TSEN15: variants seen among roughly 807,000 people sequenced by gnomAD.
TSEN15 encodes the protein tRNA splicing endonuclease subunit 15.
A neutral mutation model predicts 20.5 loss-of-function variants in TSEN15; 10 were observed. The ratio of observed to expected loss-of-function variants is 0.49; its 90% CI spans 0.30 to 0.83. TSEN15 has a LOEUF of 0.83. Ranked by LOEUF, TSEN15 falls within the 40% of genes least tolerant of loss-of-function variation. TSEN15 has a pLI of 0.06. For synonymous variants in TSEN15, 72 were observed against 80.1 expected (o/e 0.90, Z 0.54); for missense variants, 180 against 218.6 (o/e 0.82, Z 1.11).
intron 3 of TSEN15, among the ~76,000 whole-genome samples, chr1:184,056,507 A>G (rs1245698570): frequency 6.6e-6 from 1 of 151,944 alleles, no homozygotes; most frequent in African/African-American, 2.4e-5. Flanking sequence ...CTGTCTTAAG[A>G]TGTCTTTCAA....
chr1:184,094,403 G>A (rs1276679621), intron 3 of TSEN15: 1 of 152,208 alleles, frequency 6.6e-6, no homozygotes, highest in African/African-American at 2.4e-5. Context: ...ACAATCAACT[G>A]GGACTGTCCT....
chr1:184,057,141 C>T (rs1650277056), intron 3 of TSEN15, among the ~76,000 whole-genome samples: 1 of 152,078 alleles, frequency 6.6e-6, no homozygotes, highest in South Asian at 2.1e-4. Flanking sequence ...CTCTTGCTTA[C>T]TATAAAGGAA....
At chr1:184,084,861 G>A (rs1359727664) in intron 3 of TSEN15, among the ~76,000 whole-genome samples, 1 of 152,050 alleles carries the variant, frequency 6.6e-6, no homozygotes, top group Non-Finnish European at 1.5e-5. Context: ...GGGTCTGGAG[G>A]GGACAAACAT....
Position 184,064,546 on chromosome 1 carries a change from AAAACAAAC to A in TSEN15, c.354-7597_354-7590del, listed in dbSNP as rs375194362. On this transcript the variant is annotated intron_variant, in intron 3 of 4. Coordinates refer to ENST00000645668, the MANE Select transcript of TSEN15 (RefSeq NM_052965.4). ...GAGACAGACATAGAAAAAATATGAA[AAAACAAAC>A]AAACAAACAAACAGCTCTCCTCCTG... Among the ~76,000 whole-genome samples the A allele has an allele frequency of 4.0e-3, 610 of 152,208 alleles. 3 individuals are homozygous for A. The highest frequency in any genetic ancestry group is 0.013 in the African/African-American group (551 of 41,536).
At position 184,073,089 on chromosome 1, in the gene TSEN15, A is replaced by G. The variant is rs1265468021; in HGVS notation, c.*242A>G. Reference sequence around the variant, plus strand: ...CTAGAGACAGTTTAATTACAGTTATATACAGGTTTATGCCTAGGATGTATT... The same window carrying G: ...CTAGAGACAGTTTAATTACAGTTATGTACAGGTTTATGCCTAGGATGTATT... On this transcript the variant is annotated 3_prime_UTR_variant, in exon 5 of 5. Coordinates refer to ENST00000645668, the MANE Select transcript of TSEN15 (RefSeq NM_052965.4). The G allele has an allele frequency of 8.2e-6, 4 of 486,886 alleles. No homozygotes were observed. Among genetic ancestry groups the G allele is most frequent in the Non-Finnish European group, 1.4e-5 (4 of 279,078 alleles). 30.2% of individuals were successfully genotyped at this position (486,886 alleles called of 1,614,324 possible).
At chr1:184,054,240 A>C in intron 1 of TSEN15, 114 bp from the exon 2 acceptor site, 1 of 628,886 alleles carries the variant, frequency 1.6e-6, no homozygotes, top group Non-Finnish European at 2.6e-6. Flanking sequence ...TTTAACTTCC[A>C]CTATACCTAG....
intron 3 of TSEN15, among the ~76,000 whole-genome samples, chr1:184,079,631 ATCT>A (rs1270996113): frequency 6.6e-6 from 1 of 152,110 alleles, no homozygotes; most frequent in South Asian, 2.1e-4. Context: ...GCATCTTTTC[ATCT>A]TCTTATAAGA....
chr1:184,070,678 G>A, intron 3 of TSEN15: 1 of 1,289,520 alleles, frequency 7.8e-7, no homozygotes, highest in Non-Finnish European at 1.0e-6. Flanking sequence ...TTGCATTGAA[G>A]AAGCAATTGT....
At chr1:184,080,694 T>TA (rs1383692652) in intron 3 of TSEN15, among the ~76,000 whole-genome samples, 2 of 152,198 alleles carry the variant, frequency 1.3e-5, no homozygotes, top group Non-Finnish European at 1.5e-5. Flanking sequence ...TTGGCAAACC[T>TA]AAAACAATAT....
intron 3 of TSEN15, among the ~76,000 whole-genome samples, chr1:184,064,696 G>T (rs1376856953): frequency 6.6e-6 from 1 of 152,154 alleles, no homozygotes; most frequent in East Asian, 1.9e-4. Flanking sequence ...AAACAAAGGT[G>T]GGAAAATTAT....
chr1:184,054,980 T>C, intron 3 of TSEN15, 117 bp downstream of exon 3: 1 of 1,215,516 alleles, frequency 8.2e-7, no homozygotes, highest in Non-Finnish European at 1.1e-6. Flanking sequence ...GCTTTACTCT[T>C]GGCTATTTGA....
intron 3 of TSEN15, among the ~76,000 whole-genome samples, chr1:184,087,212 A>T (rs1651277859): frequency 6.6e-6 from 1 of 152,258 alleles, no homozygotes; most frequent in African/African-American, 2.4e-5. Flanking sequence ...CATAATTTTA[A>T]TAATATGCTT....
intron 3 of TSEN15, among the ~76,000 whole-genome samples, chr1:184,066,631 C>T (rs1650672576): frequency 6.6e-6 from 1 of 152,122 alleles, no homozygotes; most frequent in South Asian, 2.1e-4. Context: ...GTCTCAAACT[C>T]CTAACCTCAA....
chr1:184,058,711 G>T (rs1450166030), intron 3 of TSEN15, among the ~76,000 whole-genome samples: 1 of 152,028 alleles, frequency 6.6e-6, no homozygotes. Flanking sequence ...AATTCATTGG[G>T]ACATGTCCTA....
At chr1:184,084,694 T>C (rs1404959048) in intron 3 of TSEN15, among the ~76,000 whole-genome samples, 2 of 151,978 alleles carry the variant, frequency 1.3e-5, no homozygotes, top group East Asian at 2.0e-4. Context: ...CTTTATCTTA[T>C]GGCAGAAGGC....
intron 3 of TSEN15, among the ~76,000 whole-genome samples, chr1:184,057,561 C>G (rs1650293579): frequency 1.3e-5 from 2 of 152,090 alleles, no homozygotes; most frequent in Admixed American, 1.3e-4. Flanking sequence ...TAGCAACACA[C>G]CTAATTTCTC....
intron 3 of TSEN15, among the ~76,000 whole-genome samples, chr1:184,091,179 C>T (rs561351890): frequency 6.6e-6 from 1 of 152,178 alleles, no homozygotes; most frequent in African/African-American, 2.4e-5. Context: ...TCTCAAAGCA[C>T]ATGTATCTCT....
chr1:184,067,941 A>AATATAT (rs58463457), intron 3 of TSEN15, among the ~76,000 whole-genome samples: 61 of 95,556 alleles, frequency 6.4e-4, no homozygotes, highest in East Asian at 1.7e-3. Flanking sequence ...AAAAAAAAAA[A>AATATAT]ATATATATAT....
intron 3 of TSEN15, among the ~76,000 whole-genome samples, chr1:184,082,334 A>G (rs1651185817): frequency 6.6e-6 from 1 of 151,832 alleles, no homozygotes; most frequent in South Asian, 2.1e-4. Context: ...CTGGTCCTGA[A>G]CTCCAGGGAC....
Sources: allele counts gnomAD v4.1 joint callset (sites outside exome capture counted in the v4.1 genomes callset), GRCh38; gene constraint gnomAD v4.1.1; transcripts MANE v1.5; gene names NCBI Gene and HGNC (gene_info 2026-07-23, HGNC 2026-07-21).